ZNF841: variants seen among roughly 807,000 people sequenced by gnomAD.
The protein encoded by ZNF841 is zinc finger protein 841.
ZNF841 carries 11 observed loss-of-function variants against 13.0 expected under a neutral mutation model. That is an observed-to-expected ratio of 0.85 (90% CI 0.53 to 1.40). ZNF841 has a LOEUF of 1.40. Among genes scored for constraint, ZNF841 ranks in the 40% most tolerant of loss-of-function variants. ZNF841 has a pLI of 0.00. For synonymous variants in ZNF841, 369 were observed against 381.6 expected, an observed-to-expected ratio of 0.97 and a Z score of 0.38; for missense variants, 1,068 against 1,139.5, an observed-to-expected ratio of 0.94 and a Z score of 0.90.
intron 5 of ZNF841, 34 bp from the exon 6 acceptor site, chr19:52,076,206 G>T (rs1312876682): frequency 1.9e-6 from 3 of 1,545,690 alleles, no homozygotes; most frequent in Admixed American, 4.0e-5. Context: ...ATGTCCCACG[G>T]TTTTTCCAGA....
chr19:52,075,722 G>A (rs1488978247), intron 6 of ZNF841, among the ~76,000 whole-genome samples: 6 of 152,146 alleles, frequency 3.9e-5, no homozygotes, highest in Non-Finnish European at 8.8e-5. Flanking sequence ...AGAACAGGAG[G>A]AGAGACCACA....
chr19:52,081,323 AT>A (rs1157045427), intron 4 of ZNF841, among the ~76,000 whole-genome samples: 1 of 152,086 alleles, frequency 6.6e-6, no homozygotes, highest in Non-Finnish European at 1.5e-5. Flanking sequence ...GAAACCATCC[AT>A]TTTTTTCTGG....
chr19:52,080,339 G>A (rs2088057214), intron 4 of ZNF841, among the ~76,000 whole-genome samples: 1 of 152,150 alleles, frequency 6.6e-6, no homozygotes, highest in Admixed American at 6.5e-5. Context: ...AAACAGTTAG[G>A]AGGTTTCTAC....
At chr19:52,073,639 T>C (rs886359279) in intron 6 of ZNF841, among the ~76,000 whole-genome samples, 1 of 152,172 alleles carries the variant, frequency 6.6e-6, no homozygotes, top group Non-Finnish European at 1.5e-5. Flanking sequence ...AATTTATTCT[T>C]CATTGCTTGA....
intron 6 of ZNF841, among the ~76,000 whole-genome samples, chr19:52,074,708 G>C (rs575347322): frequency 9.2e-5 from 14 of 152,188 alleles, no homozygotes; most frequent in African/African-American, 3.1e-4. Context: ...GTAGAGACGG[G>C]GTTTCACCAA....
At chr19:52,091,009 T>C (rs1019575473) in intron 2 of ZNF841, among the ~76,000 whole-genome samples, 1 of 152,094 alleles carries the variant, frequency 6.6e-6, no homozygotes, top group African/African-American at 2.4e-5. Context: ...TCTCCCTATC[T>C]CCTTTACTCA....
At chr19:52,080,545 C>T (rs2088063853) in intron 4 of ZNF841, among the ~76,000 whole-genome samples, 1 of 152,158 alleles carries the variant, frequency 6.6e-6, no homozygotes, top group Admixed American at 6.5e-5. Context: ...AACTGATGGG[C>T]TGGTTTCTCT....
chr19:52,075,082 C>T (rs561605676), intron 6 of ZNF841, among the ~76,000 whole-genome samples: 2 of 152,312 alleles, frequency 1.3e-5, no homozygotes, highest in East Asian at 1.9e-4. Flanking sequence ...ACCCAGTAAA[C>T]TCACTCCATA....
Position 52,067,169 on chromosome 19 carries a change from T to C in ZNF841, c.713A>G (p.Tyr238Cys). 6.4e-7 allele frequency: 1 copy of C among 1,552,864 alleles called. No individual in the cohort carries two copies. Among genetic ancestry groups the C allele is most frequent in the Non-Finnish European group, 8.7e-7 (1 of 1,147,452 alleles). ...CGAAAGTTGCAAAAAATCATTCCCA[T>C]ATTTCCTAGAAATGTTGGTTTGGAC... ...PGVQTNISRK[Y>C]GNDFLQLSLP... Residue 238 changes from tyrosine (Y) to cysteine (C), a missense_variant, in exon 7 of 7, where the codon TAT (tyrosine) becomes TGT (cysteine). Coordinates refer to ENST00000594440, the MANE Select transcript of ZNF841 (RefSeq NM_001136499.2).
intron 4 of ZNF841, among the ~76,000 whole-genome samples, chr19:52,079,024 T>C (rs2088003855): frequency 6.6e-6 from 1 of 152,164 alleles, no homozygotes; most frequent in Non-Finnish European, 1.5e-5. Context: ...ACAATGAAAA[T>C]GTATAAATTG....
chr19:52,065,207 A>T lies in ZNF841; in HGVS notation c.2675T>A (p.Leu892His). The change falls in exon 7 of 7, where the codon CTC (leucine) becomes CAC (histidine). Residue 892 changes from leucine to histidine, a missense_variant. Leu to His is a moderately conservative substitution (Grantham distance 99). Transcript: ENST00000594440. ...AGCATGTTTTATCTGATGTTTAGTG[A>T]GGCCTGAGCGACTAATGTAAGATTT... ...CGKSYISRSG[L>H]TKHQIKHAGE... 1 of 1,610,532 alleles carries T rather than the reference A, an allele frequency of 6.2e-7. No individual in the cohort carries two copies. Among genetic ancestry groups the T allele is most frequent in the Non-Finnish European group, 8.5e-7 (1 of 1,178,244 alleles).
intron 6 of ZNF841, among the ~76,000 whole-genome samples, chr19:52,069,103 T>C (rs1446837157): frequency 6.6e-6 from 1 of 152,180 alleles, no homozygotes; most frequent in Non-Finnish European, 1.5e-5. Context: ...AGATGGAGTC[T>C]CACTCTGTCA....
At chr19:52,062,362 G>A (rs560201059), downstream of ZNF841, among the ~76,000 whole-genome samples, 8 of 152,186 alleles carry the variant, frequency 5.3e-5, no homozygotes, top group East Asian at 3.9e-4. Flanking sequence ...AACATACTCC[G>A]TATGTTTCCC....
Position 52,069,115 on chromosome 19 carries a change from C to A in ZNF841, c.272-1505G>T, listed in dbSNP as rs548131852. Reference sequence around the variant, plus strand: ...CTGAGATGGAGTCTCACTCTGTCACCCAGGCTGGAGTACAGTGGCATGATC... The same window carrying A: ...CTGAGATGGAGTCTCACTCTGTCACACAGGCTGGAGTACAGTGGCATGATC... On this transcript the variant is annotated intron_variant, in intron 6 of 6. Coordinates refer to ENST00000594440, the MANE Select transcript of ZNF841 (RefSeq NM_001136499.2). Among the ~76,000 whole-genome samples the A allele has an allele frequency of 2.2e-4, 33 of 152,176 alleles. No homozygotes were observed. In the South Asian group the frequency reaches 6.2e-3, roughly 29 times the overall value.
At chr19:52,077,162 G>C in intron 4 of ZNF841, 78 bp from the exon 5 acceptor site, 1 of 1,443,272 alleles carries the variant, frequency 6.9e-7, no homozygotes, top group Non-Finnish European at 9.3e-7. Flanking sequence ...GGAGAGAACT[G>C]TCACATCAAT....
At chr19:52,087,524 T>A (rs1020850666) in intron 3 of ZNF841, among the ~76,000 whole-genome samples, 3 of 152,180 alleles carry the variant, frequency 2.0e-5, no homozygotes, top group African/African-American at 7.2e-5. Context: ...GCTCCATCCA[T>A]GTCCTGGGAA....
chr19:52,078,234 C>T (rs1450034975), intron 4 of ZNF841, among the ~76,000 whole-genome samples: 2 of 151,928 alleles, frequency 1.3e-5, no homozygotes, highest in Non-Finnish European at 2.9e-5. Flanking sequence ...TTGCAGTGGG[C>T]CGAGATCATG....
intron 3 of ZNF841, 156 bp from the exon 4 acceptor site, chr19:52,085,034 G>T: frequency 1.8e-6 from 1 of 559,204 alleles, no homozygotes; most frequent in African/African-American, 1.9e-5. Flanking sequence ...GACCAAGTAA[G>T]TTTTTCACCC....
chr19:52,064,334 C>A (rs2087460633), downstream of ZNF841: 1 of 111,006 alleles, frequency 9.0e-6, no homozygotes, highest in African/African-American at 3.2e-5. Flanking sequence ...GCCTGGGCGA[C>A]AGAGCGAGAC....
Sources: gnomAD v4.1 joint callset for allele counts (sites outside exome capture counted in the v4.1 genomes callset) on GRCh38, gnomAD v4.1.1 for gene constraint, MANE v1.5 for transcripts, NCBI Gene and HGNC (gene_info 2026-07-23, HGNC 2026-07-21) for gene names.